Variants in PHKB observed in about 807,000 individuals in gnomAD.
The protein encoded by PHKB is phosphorylase kinase regulatory subunit beta, also known as phosphorylase b kinase regulatory subunit beta.
Under a neutral mutation model 152.1 loss-of-function variants are expected in PHKB, and 122 were observed. That is an observed-to-expected ratio of 0.80 (90% CI 0.69 to 0.93). The LOEUF (loss-of-function observed/expected upper bound fraction) is 0.93, where lower values mean the gene tolerates loss of function less well. Among genes scored for constraint, PHKB ranks in the 40% least tolerant of loss-of-function variants. The pLI, the probability that PHKB is intolerant of heterozygous loss-of-function variation, is 0.00. For synonymous variants in PHKB, 436 were observed against 464.9 expected, an observed-to-expected ratio of 0.94 and a Z score of 0.80; for missense variants, 1,304 against 1,328.4, an observed-to-expected ratio of 0.98 and a Z score of 0.29.
At chr16:47,640,738 T>G (rs1973003552) in intron 14 of PHKB, among the ~76,000 whole-genome samples, 1 of 152,176 alleles carries the variant, frequency 6.6e-6, no homozygotes, top group South Asian at 2.1e-4. Flanking sequence ...AAAATGACTC[T>G]CGGTCCCCAA....
At chr16:47,638,418 T>C (rs1163829458) in intron 14 of PHKB, among the ~76,000 whole-genome samples, 1 of 152,262 alleles carries the variant, frequency 6.6e-6, no homozygotes, top group African/African-American at 2.4e-5. Flanking sequence ...TGTGAAATAC[T>C]GTGCTTAGCA....
chr16:47,654,910 A>C (rs538263871), intron 20 of PHKB, among the ~76,000 whole-genome samples: 1 of 152,154 alleles, frequency 6.6e-6, no homozygotes, highest in African/African-American at 2.4e-5. Context: ...TATGTAACAA[A>C]CCTGCATGTT....
In PHKB at chr16:47,547,534, A is replaced by G. The variant is rs769763655; in HGVS notation, c.696A>G (p.Thr232=). ...ERGSKYNNGS[T]ELHSSSVGLA... is the part of the protein sequence containing the mutation. ...GAAGCAAATATAATAATGGCAGCAC[A>G]GAGCTACATTCGAGGTAATTTGCTG... Residue 232 remains threonine (T), a synonymous_variant, in exon 7 of 31, where the codon ACA becomes ACG. Coordinates refer to ENST00000323584, the MANE Select transcript of PHKB (RefSeq NM_000293.3). The G allele has an allele frequency of 1.3e-6, 2 of 1,594,082 alleles. No homozygotes were observed. The highest frequency in any genetic ancestry group is 4.5e-5 in the East Asian group (2 of 44,796).
chr16:47,584,774 C>T (rs564547705), intron 8 of PHKB, among the ~76,000 whole-genome samples: 2 of 152,236 alleles, frequency 1.3e-5, no homozygotes, highest in African/African-American at 4.8e-5. Context: ...AGATCATGTA[C>T]GATAGGTAGA....
intron 9 of PHKB, 40 bp from the exon 10 acceptor site, chr16:47,588,865 G>T: frequency 2.6e-6 from 4 of 1,528,770 alleles, no homozygotes; most frequent in Non-Finnish European, 2.7e-6. Flanking sequence ...TGATCACATC[G>T]CTGTGGACAC....
chr16:47,461,304 T>C (rs762711092), upstream of PHKB: 5 of 1,498,294 alleles, frequency 3.3e-6, no homozygotes, highest in South Asian at 4.7e-5. Context: ...CCGGCATTGC[T>C]GACAGGCGGC....
At position 47,665,648 on chromosome 16, in the gene PHKB, CAA is replaced by C. The variant is rs1973524932; in HGVS notation, c.2427+676_2427+677del. The C allele has an allele frequency of 8.7e-6, 4 of 459,040 alleles. No homozygotes were observed. In the Admixed American group the frequency reaches 1.4e-4, roughly 16 times the overall value. 28.4% of individuals were successfully genotyped at this position (459,040 alleles called of 1,614,324 possible). ...CTCCTATACACCCTCCCTCCCTAAT[CAA>C]AATAATAATTAGGTTTTCTTTTTTT... On this transcript the variant is annotated intron_variant, in intron 25 of 30. Transcript: ENST00000323584.
intron 7 of PHKB, chr16:47,565,371 G>C: frequency 1.0e-6 from 1 of 952,830 alleles, no homozygotes; most frequent in Non-Finnish European, 1.7e-6. Flanking sequence ...TCAGATGGTT[G>C]AGCTGGAGCT....
intron 7 of PHKB, among the ~76,000 whole-genome samples, chr16:47,560,749 A>G (rs571764886): frequency 6.6e-6 from 1 of 152,332 alleles, no homozygotes; most frequent in South Asian, 2.1e-4. Flanking sequence ...CACCATATAC[A>G]AAAATTAATA....
intron 1 of PHKB, among the ~76,000 whole-genome samples, chr16:47,461,781 G>C (rs1362312105): frequency 6.6e-6 from 1 of 152,170 alleles, no homozygotes; most frequent in East Asian, 1.9e-4. Flanking sequence ...TCTTTCCTGT[G>C]AATGTTCTCT....
chr16:47,537,878 C>G (rs561341114), intron 6 of PHKB, among the ~76,000 whole-genome samples: 44 of 137,542 alleles, frequency 3.2e-4, no homozygotes, highest in Admixed American at 7.6e-4. Flanking sequence ...AAAATTCTCT[C>G]TCTCTCTCTC....
rs779418998 is a variant in PHKB, at chr16:47,696,442, C to G, written c.2957C>G (p.Thr986Arg). Residue 986 changes from threonine to arginine, a missense_variant, in exon 29 of 31, where the codon ACG (threonine) becomes AGG (arginine). Transcript: ENST00000323584. ...EMNFSLLVED[T>R]LGNIDQPQYR... ...AATTTCTCTCTCCTTGTTGAAGACA[C>G]GTTGGGAAATATTGACCAGCCACAG... 1 of 1,610,582 alleles carries G rather than the reference C, an allele frequency of 6.2e-7. No individual in the cohort carries two copies. The highest frequency in any genetic ancestry group is 1.3e-5 in the African/African-American group (1 of 74,824).
intron 7 of PHKB, among the ~76,000 whole-genome samples, chr16:47,557,537 GA>G (rs1422602203): frequency 6.6e-6 from 1 of 151,950 alleles, no homozygotes; most frequent in Non-Finnish European, 1.5e-5. Context: ...AAATTGACAA[GA>G]AAAAAACAAA....
chr16:47,628,391 G>A (rs1972751039), intron 14 of PHKB, among the ~76,000 whole-genome samples: 1 of 152,126 alleles, frequency 6.6e-6, no homozygotes, highest in Non-Finnish European at 1.5e-5. Context: ...AATTAGCCAG[G>A]CGTGGTGGCA....
intron 3 of PHKB, among the ~76,000 whole-genome samples, chr16:47,502,599 C>T (rs571667981): frequency 4.5e-4 from 69 of 152,296 alleles, no homozygotes; most frequent in Non-Finnish European, 7.9e-4. Context: ...TAAATCCAAG[C>T]GGCCATTGCA....
intron 7 of PHKB, chr16:47,565,547 A>T (rs989917933): frequency 4.4e-6 from 5 of 1,135,870 alleles, no homozygotes; most frequent in African/African-American, 1.5e-5. Context: ...GGAGAGTGAC[A>T]GTCTTCCTCC....
chr16:47,560,538 T>C (rs1404829474), intron 7 of PHKB, among the ~76,000 whole-genome samples: 6 of 152,142 alleles, frequency 3.9e-5, no homozygotes, highest in Non-Finnish European at 7.4e-5. Context: ...CTACAATAAT[T>C]AAAATAGTGT....
intron 1 of PHKB, among the ~76,000 whole-genome samples, chr16:47,468,875 C>T (rs1969716031): frequency 6.6e-6 from 1 of 152,106 alleles, no homozygotes; most frequent in Non-Finnish European, 1.5e-5. Context: ...ATTTTATCTG[C>T]CTGGAAAGCT....
chr16:47,690,071 A>G (rs1464564485), intron 27 of PHKB, among the ~76,000 whole-genome samples: 1 of 152,236 alleles, frequency 6.6e-6, no homozygotes, highest in African/African-American at 2.4e-5. Context: ...ACAGTGTGAT[A>G]TTGGTGCACA....
Sources: gnomAD v4.1 joint callset for allele counts (sites outside exome capture counted in the v4.1 genomes callset) on GRCh38, gnomAD v4.1.1 for gene constraint, MANE v1.5 for transcripts, NCBI Gene and HGNC (gene_info 2026-07-23, HGNC 2026-07-21) for gene names.